The following PPP1R9A variants were observed in gnomAD, a reference collection of about 807,000 sequenced individuals.
The protein encoded by PPP1R9A is neurabin-1.
In PPP1R9A, 59 loss-of-function variants were observed where a neutral mutation model predicts 141.9. That is an observed-to-expected ratio of 0.42 (90% confidence interval 0.34 to 0.52). The LOEUF is 0.52. PPP1R9A is among the 20% of genes least tolerant of loss of function. PPP1R9A has a pLI of 0.10. For synonymous variants in PPP1R9A, 500 were observed against 569.7 expected (o/e 0.88, Z 1.74); for missense variants, 1,444 against 1,611.9 (o/e 0.90, Z 1.78).
In PPP1R9A at chr7:95,290,670, C is replaced by T. The variant is rs1357500918; in HGVS notation, c.*367C>T. 5.2e-5 allele frequency: 11 copies of T among 209,798 alleles called. No individual in the cohort carries two copies. The highest frequency in any genetic ancestry group is 4.6e-4 in the South Asian group (5 of 10,966). 13.0% of individuals were successfully genotyped at this position (209,798 alleles called of 1,614,324 possible). A position where few individuals can be genotyped will look rare whatever the true frequency, so the allele number is the denominator to read the frequency against. Reference sequence around the variant, plus strand: ...CACCCTGGTGTTGTTAATGGAGCGCCGTGAATTTTCAGTGTGGGATCCTGA... The same window carrying T: ...CACCCTGGTGTTGTTAATGGAGCGCTGTGAATTTTCAGTGTGGGATCCTGA... On this transcript the variant is annotated 3_prime_UTR_variant, in exon 20 of 20. Transcript: ENST00000433360.
intron 3 of PPP1R9A, among the ~76,000 whole-genome samples, chr7:95,111,803 A>C (rs1584748269): frequency 1.3e-5 from 2 of 152,200 alleles, no homozygotes; most frequent in East Asian, 3.9e-4. Flanking sequence ...AATCCAAGGA[A>C]ATTTAAATAG....
intron 2 of PPP1R9A, among the ~76,000 whole-genome samples, chr7:95,080,011 C>T (rs1563207517): frequency 6.6e-6 from 1 of 152,118 alleles, no homozygotes; most frequent in Non-Finnish European, 1.5e-5. Context: ...GGAAGCATTT[C>T]CTTTGAAAAC....
In PPP1R9A at chr7:95,292,444, TAA is replaced by T. The variant is rs1408175213; in HGVS notation, c.*2142_*2143del. ...AGTAGAAATAGAAGGATGATTATCT[TAA>T]GTTATGTTTACACTTTGGTAATATT... is the stretch of plus-strand genomic sequence containing the variant. On this transcript the variant is annotated 3_prime_UTR_variant, in exon 20 of 20. Transcript: ENST00000433360. 3.3e-5 allele frequency: 5 copies of T among 152,632 alleles called. No homozygotes were observed. Among genetic ancestry groups the T allele is most frequent in the Non-Finnish European group, 4.4e-5 (3 of 68,028 alleles). The allele number at this position is 152,632 out of a possible 1,614,324, so 9.5% of individuals were successfully genotyped here.
chr7:95,065,806 C>T (rs1377806726), intron 2 of PPP1R9A, among the ~76,000 whole-genome samples: 4 of 152,122 alleles, frequency 2.6e-5, no homozygotes, highest in African/African-American at 9.7e-5. Flanking sequence ...TACACAATTT[C>T]AATTTTTTTA....
chr7:95,110,747 A>C (rs1472043714), intron 2 of PPP1R9A, among the ~76,000 whole-genome samples: 10 of 152,222 alleles, frequency 6.6e-5, no homozygotes, highest in Admixed American at 6.5e-5. Flanking sequence ...TGCAAGTAAA[A>C]TGAGGGATGA....
chr7:95,196,159 A>C (rs1177258013), intron 5 of PPP1R9A, among the ~76,000 whole-genome samples: 1 of 152,104 alleles, frequency 6.6e-6, no homozygotes, highest in Non-Finnish European at 1.5e-5. Flanking sequence ...ATTTTCAGTA[A>C]TGGGTAAAAC....
chr7:95,254,514 C>A (rs921140540), intron 12 of PPP1R9A, among the ~76,000 whole-genome samples: 1 of 152,130 alleles, frequency 6.6e-6, no homozygotes, highest in Non-Finnish European at 1.5e-5. Flanking sequence ...TCCAGTAGTT[C>A]CCAAAGTTCC....
intron 4 of PPP1R9A, among the ~76,000 whole-genome samples, chr7:95,135,165 T>G (rs1171797412): frequency 1.3e-5 from 2 of 152,220 alleles, no homozygotes; most frequent in African/African-American, 4.8e-5. Context: ...ACACATATCC[T>G]GTATATGCAT....
At chr7:95,211,794 C>G (rs1360688011) in intron 7 of PPP1R9A, among the ~76,000 whole-genome samples, 1 of 152,024 alleles carries the variant, frequency 6.6e-6, no homozygotes, top group Non-Finnish European at 1.5e-5. Context: ...CAAGACCAGC[C>G]TGGACAACAT....
At chr7:95,207,831 A>G (rs1791171717) in intron 7 of PPP1R9A, among the ~76,000 whole-genome samples, 4 of 152,192 alleles carry the variant, frequency 2.6e-5, no homozygotes, top group Admixed American at 2.6e-4. Flanking sequence ...ATGTCTGCAA[A>G]CCAGGAGAAA....
At chr7:95,134,863 C>T (rs768604775) in intron 4 of PPP1R9A, among the ~76,000 whole-genome samples, 1 of 152,086 alleles carries the variant, frequency 6.6e-6, no homozygotes, top group Non-Finnish European at 1.5e-5. Context: ...ATTACTTTTC[C>T]TAAAGGCAAT....
chr7:95,243,901 G>T (rs2888969), intron 8 of PPP1R9A, among the ~76,000 whole-genome samples: 85,142 of 151,854 alleles, frequency 0.56, 23,989 homozygotes, highest in South Asian at 0.62. Context: ...TCTAAAACCT[G>T]GCTTTGGCAC....
At chr7:95,028,219 C>CA (rs1295045535) in intron 2 of PPP1R9A, among the ~76,000 whole-genome samples, 1 of 152,052 alleles carries the variant, frequency 6.6e-6, no homozygotes, top group Non-Finnish European at 1.5e-5. Context: ...TCATACAACT[C>CA]ATGTGTAATC....
chr7:95,241,304 G>A (rs1797422683), intron 8 of PPP1R9A, among the ~76,000 whole-genome samples: 1 of 152,172 alleles, frequency 6.6e-6, no homozygotes, highest in Non-Finnish European at 1.5e-5. Flanking sequence ...GAGGAAGTTA[G>A]AGAGCCCAGT....
chr7:95,253,494 C>T (rs895635500), intron 12 of PPP1R9A, among the ~76,000 whole-genome samples: 2 of 152,080 alleles, frequency 1.3e-5, no homozygotes, highest in Admixed American at 6.6e-5. Flanking sequence ...TGGGTTTTCC[C>T]TAAATAGGAT....
Position 94,981,309 on chromosome 7 carries a change from G to A in PPP1R9A, c.1395+69801G>A, listed in dbSNP as rs148619508. Among the ~76,000 whole-genome samples the A allele has an allele frequency of 4.0e-3, 601 of 152,056 alleles. 21 individuals carry two copies. The highest frequency in any genetic ancestry group is 0.034 in the East Asian group (176 of 5,170). On this transcript the variant is annotated intron_variant, in intron 2 of 19. Coordinates refer to ENST00000433360, the MANE Select transcript of PPP1R9A (RefSeq NM_001166160.2). Reference sequence around the variant, plus strand: ...AGTGCAGTGGCAAGATCTCGATCTCGGCTCACTGCAACCTCTGTCTCTCAG... The same window carrying A: ...AGTGCAGTGGCAAGATCTCGATCTCAGCTCACTGCAACCTCTGTCTCTCAG...
chr7:95,131,701 A>C (rs191470887), intron 4 of PPP1R9A, among the ~76,000 whole-genome samples: 3 of 139,000 alleles, frequency 2.2e-5, no homozygotes, highest in African/African-American at 8.1e-5. Flanking sequence ...TTTTAATTTT[A>C]TATATTTTTT....
At chr7:95,153,034 G>T (rs778602563) in intron 4 of PPP1R9A, among the ~76,000 whole-genome samples, 2 of 151,880 alleles carry the variant, frequency 1.3e-5, no homozygotes, top group African/African-American at 4.8e-5. Flanking sequence ...ATTTTTAATA[G>T]AGGTAGAGTT....
intron 2 of PPP1R9A, among the ~76,000 whole-genome samples, chr7:94,946,117 G>A (rs1452410474): frequency 6.6e-6 from 1 of 152,090 alleles, no homozygotes; most frequent in Non-Finnish European, 1.5e-5. Flanking sequence ...TAGCAAATAT[G>A]TAGAACACAT....
Sources: gnomAD v4.1 joint callset for allele counts (sites outside exome capture counted in the v4.1 genomes callset) on GRCh38, gnomAD v4.1.1 for gene constraint, MANE v1.5 for transcripts, NCBI Gene and HGNC (gene_info 2026-07-23, HGNC 2026-07-21) for gene names.